The following PADI3 variants were observed in gnomAD, a reference collection of about 807,000 sequenced individuals.
The protein encoded by PADI3 is peptidyl arginine deiminase 3.
In PADI3, 53 loss-of-function variants were observed where a neutral mutation model predicts 71.5. The observed-to-expected ratio is 0.74, with a 90% CI of 0.59 to 0.93. PADI3 has a LOEUF of 0.93. Ranked by LOEUF, PADI3 falls within the 40% of genes least tolerant of loss-of-function variation. The probability of loss-of-function intolerance (pLI) is 0.00; values close to 1 mark genes in which losing one functional copy is unlikely to be tolerated. For missense variants in PADI3, 821 were observed against 868.0 expected (o/e 0.95, Z 0.68); for synonymous variants, 361 against 347.5 (o/e 1.04, Z -0.43).
intron 1 of PADI3, among the ~76,000 whole-genome samples, chr1:17,251,913 G>A (rs1320005285): frequency 6.6e-6 from 1 of 152,212 alleles, no homozygotes; most frequent in East Asian, 1.9e-4. Flanking sequence ...TGAGAAAAGA[G>A]AAATTTACAT....
rs1235249906 is a variant in PADI3, at chr1:17,283,230, C to G, written c.*151C>G. 6.3e-6 allele frequency: 4 copies of G among 635,316 alleles called. No homozygotes were observed. Among genetic ancestry groups the G allele is most frequent in the Non-Finnish European group, 8.3e-6 (3 of 361,444 alleles). 39.4% of individuals were successfully genotyped at this position (635,316 alleles called of 1,614,324 possible). A position where few individuals can be genotyped will look rare whatever the true frequency, so the allele number is the denominator to read the frequency against. On this transcript the variant is annotated 3_prime_UTR_variant, in exon 16 of 16. Transcript: ENST00000375460. ...ACCGTCCCTCTCAGAAGCCTTTTCC[C>G]TGGAAGTGTCCATGCCTCACCTGCA...
At chr1:17,264,560 A>G (rs552155177) in intron 3 of PADI3, among the ~76,000 whole-genome samples, 1 of 152,180 alleles carries the variant, frequency 6.6e-6, no homozygotes, top group South Asian at 2.1e-4. Flanking sequence ...TCTTGAACGC[A>G]ATACCCAAAT....
chr1:17,268,569 G>A (rs895556698), intron 6 of PADI3, among the ~76,000 whole-genome samples: 4 of 139,884 alleles, frequency 2.9e-5, no homozygotes, highest in South Asian at 2.3e-4. Context: ...GTACAGTGGC[G>A]TGACCTCGGG....
rs753698907 is a variant in PADI3 at position 17,267,939 on chromosome 1, G to A, written c.629G>A (p.Arg210Gln). The A allele has an allele frequency of 1.6e-4, 252 of 1,614,038 alleles. 2 individuals carry two copies. In the South Asian group the frequency reaches 2.0e-3, roughly 13 times the overall value. ...CATACCTCCAGCTATGATGCCAAAC[G>A]GGCACAGGTCTTCCACATCTGCGGT... ...VLHTSSYDAKRAQVFHICGPE... is the reference protein window; with the variant it reads ...VLHTSSYDAKQAQVFHICGPE... Residue 210 changes from arginine to glutamine, a missense_variant, in exon 6 of 16, where the codon CGG (arginine) becomes CAG (glutamine). Arg to Gln is a conservative substitution (Grantham distance 43). Coordinates refer to ENST00000375460, the MANE Select transcript of PADI3 (RefSeq NM_016233.2).
intron 1 of PADI3, among the ~76,000 whole-genome samples, chr1:17,257,801 C>A (rs541165431): frequency 2.6e-5 from 4 of 152,164 alleles, no homozygotes; most frequent in Non-Finnish European, 2.9e-5. Flanking sequence ...TAGTCCCCTA[C>A]GTATCCTGTG....
intron 4 of PADI3, among the ~76,000 whole-genome samples, chr1:17,266,205 G>A (rs957225821): frequency 5.9e-5 from 9 of 152,328 alleles, no homozygotes; most frequent in African/African-American, 2.2e-4. Context: ...TGACCTAGGC[G>A]AGAAGAGAAA....
intron 7 of PADI3, 88 bp downstream of exon 7, chr1:17,270,499 A>T (rs2073233206): frequency 2.5e-6 from 3 of 1,182,460 alleles, no homozygotes. Flanking sequence ...AAAAAAAAAA[A>T]TAGCGAGGTA....
rs1394259306 is a variant in PADI3 at position 17,283,396 on chromosome 1, A to G, written c.*317A>G. On this transcript the variant is annotated 3_prime_UTR_variant, in exon 16 of 16. Transcript: ENST00000375460. ...AAATCATCCATTTGGGGACAAATCC[A>G]CATTGGGGTCTAGAAACATCCACGT... 1.9e-5 allele frequency: 6 copies of G among 318,756 alleles called. No individual in the cohort carries two copies. Among genetic ancestry groups the G allele is most frequent in the Middle Eastern group, 9.3e-4 (1 of 1,072 alleles). The allele number at this position is 318,756 out of a possible 1,614,324, so 19.7% of individuals were successfully genotyped here.
intron 10 of PADI3, among the ~76,000 whole-genome samples, chr1:17,273,763 G>A (rs2073287986): frequency 6.6e-6 from 1 of 152,160 alleles, no homozygotes; most frequent in African/African-American, 2.4e-5. Context: ...CCTAAATAGG[G>A]GAGGCAGGAT....
rs567647978 is a variant in PADI3, at chr1:17,260,573, CTG to C, written c.273+817_273+818del. On this transcript the variant is annotated intron_variant, in intron 2 of 15. Transcript: ENST00000375460. Reference sequence around the variant, plus strand: ...ATGGGGCAACTGAGGTTCAGAGTAACTGTCCCGGGACCGCACACTAATGGTCA... The same window carrying C: ...ATGGGGCAACTGAGGTTCAGAGTAACTCCCGGGACCGCACACTAATGGTCA... 1.9e-3 allele frequency among the ~76,000 whole-genome samples: 291 copies of C among 152,310 alleles called. 4 individuals carry two copies. The highest frequency in any genetic ancestry group is 6.6e-3 in the African/African-American group (276 of 41,570).
At chr1:17,269,166 T>A (rs978484622) in intron 6 of PADI3, among the ~76,000 whole-genome samples, 1 of 152,138 alleles carries the variant, frequency 6.6e-6, no homozygotes, top group African/African-American at 2.4e-5. Flanking sequence ...ATTATAGGCG[T>A]GAGACGCCGC....
At chr1:17,250,859 G>T (rs1188915732) in intron 1 of PADI3, among the ~76,000 whole-genome samples, 2 of 152,200 alleles carry the variant, frequency 1.3e-5, no homozygotes, top group Non-Finnish European at 2.9e-5. Context: ...CCCCCGCAGA[G>T]CTTCCTTAGA....
At chr1:17,282,194 A>G (rs1569927147) in intron 15 of PADI3, among the ~76,000 whole-genome samples, 1 of 152,218 alleles carries the variant, frequency 6.6e-6, no homozygotes, top group African/African-American at 2.4e-5. Context: ...CGCAAGAGAC[A>G]GAGTCCTACT....
rs371331852 is a variant in PADI3 at position 17,273,407 on chromosome 1, G to T, written c.1115G>T (p.Arg372Met). Residue 372 changes from arginine (R) to methionine (M), a missense_variant, in exon 10 of 16, where the codon AGG becomes ATG. Coordinates refer to ENST00000375460, the MANE Select transcript of PADI3 (RefSeq NM_016233.2). ...CTCCCGGTGGTCTTTGACTCCCCAA[G>T]GAATGGGGAACTGCAGGATTTCCCT... ...KTLPVVFDSP[R>M]NGELQDFPYK... The T allele has an allele frequency of 5.7e-5, 92 of 1,613,232 alleles. 1 individual carries two copies. The highest frequency in any genetic ancestry group is 2.7e-5 in the African/African-American group (2 of 74,816).
chr1:17,267,941 G>A lies in PADI3; in HGVS notation c.631G>A (p.Ala211Thr). Residue 211 changes from alanine to threonine, a missense_variant, in exon 6 of 16, where the codon GCA becomes ACA. Coordinates refer to ENST00000375460, the MANE Select transcript of PADI3 (RefSeq NM_016233.2). The stretch of plus-strand genomic sequence containing the variant: ...TACCTCCAGCTATGATGCCAAACGG[G>A]CACAGGTCTTCCACATCTGCGGTGA... Reference protein sequence around the residue: ...LHTSSYDAKRAQVFHICGPED... With the variant: ...LHTSSYDAKRTQVFHICGPED... 6.2e-7 allele frequency: 1 copy of A among 1,614,124 alleles called. No homozygotes were observed. Among genetic ancestry groups the A allele is most frequent in the Non-Finnish European group, 8.5e-7 (1 of 1,180,034 alleles).
At chr1:17,266,159 G>A (rs568681939) in intron 4 of PADI3, among the ~76,000 whole-genome samples, 1 of 152,354 alleles carries the variant, frequency 6.6e-6, no homozygotes, top group Middle Eastern at 3.4e-3. Flanking sequence ...CAGGCAGTAG[G>A]CCAGATTTGG....
chr1:17,271,985 A>C (rs2073260843), intron 9 of PADI3, among the ~76,000 whole-genome samples: 1 of 152,232 alleles, frequency 6.6e-6, no homozygotes, highest in Non-Finnish European at 1.5e-5. Context: ...GAGGGAGAGC[A>C]TCTGAGCTGG....
intron 3 of PADI3, 21 bp downstream of exon 3, chr1:17,262,226 A>G: frequency 1.3e-6 from 2 of 1,581,692 alleles, no homozygotes; most frequent in South Asian, 1.1e-5. Context: ...GGCCATGTTG[A>G]TGGTGTGGCC....
chr1:17,271,836 C>CAACAAA (rs1553135547), intron 9 of PADI3, among the ~76,000 whole-genome samples: 6 of 79,436 alleles, frequency 7.6e-5, no homozygotes, highest in East Asian at 7.2e-4. Context: ...GCAACAACAA[C>CAACAAA]AAAAAAAAAA....
Sources: gnomAD v4.1 joint callset for allele counts (sites outside exome capture counted in the v4.1 genomes callset) on GRCh38, gnomAD v4.1.1 for gene constraint, MANE v1.5 for transcripts, NCBI Gene and HGNC (gene_info 2026-07-23, HGNC 2026-07-21) for gene names.